Variants in TVP23A observed in about 807,000 individuals in gnomAD.
TVP23A encodes the protein trans-golgi network vesicle protein 23 homolog A, also known as Golgi apparatus membrane protein TVP23 homolog A.
A neutral mutation model predicts 31.7 loss-of-function variants in TVP23A; 21 were observed. That is an observed-to-expected ratio of 0.66 (90% CI 0.47 to 0.95). The LOEUF (loss-of-function observed/expected upper bound fraction) is 0.95. TVP23A is among the 40% of genes least tolerant of loss of function. TVP23A has a pLI of 0.00. For missense variants in TVP23A, 279 were observed against 255.6 expected (o/e 1.09, Z -0.62); for synonymous variants, 104 against 96.0 (o/e 1.08, Z -0.49).
intron 2 of TVP23A, chr16:10,808,481 G>C: frequency 2.2e-6 from 1 of 454,150 alleles, no homozygotes. Flanking sequence ...ACATTCACTA[G>C]GCTGAACAAG....
chr16:10,811,720 T>C (rs906907226), intron 2 of TVP23A, among the ~76,000 whole-genome samples: 11 of 151,814 alleles, frequency 7.2e-5, no homozygotes, highest in East Asian at 1.9e-4. Context: ...CTGGCTAACA[T>C]GGTGAAACCC....
At chr16:10,814,671 CAT>C (rs2034357317) in intron 2 of TVP23A, among the ~76,000 whole-genome samples, 2 of 152,240 alleles carry the variant, frequency 1.3e-5, no homozygotes, top group Non-Finnish European at 2.9e-5. Flanking sequence ...GCCACAGCCA[CAT>C]GTGGCTATTT....
At chr16:10,788,671 T>A (rs931368098) in intron 2 of TVP23A, among the ~76,000 whole-genome samples, 1 of 152,150 alleles carries the variant, frequency 6.6e-6, no homozygotes, top group African/African-American at 2.4e-5. Flanking sequence ...GTACAGTCAC[T>A]TAGATCTGAG....
downstream of TVP23A, among the ~76,000 whole-genome samples, chr16:10,759,250 G>T (rs544034648): frequency 7.9e-5 from 12 of 152,308 alleles, no homozygotes; most frequent in African/African-American, 2.9e-4. The surrounding 1 kb of genome is among the most constrained non-coding windows in gnomAD (Gnocchi z 4.7). Context: ...AGGGATGAGG[G>T]TACAGCCAAT....
intron 6 of TVP23A, among the ~76,000 whole-genome samples, chr16:10,770,812 G>A (rs961719563): frequency 7.3e-6 from 1 of 136,998 alleles, no homozygotes; most frequent in Non-Finnish European, 1.5e-5. Flanking sequence ...GGAGGTTGCA[G>A]TGAGCCAACA....
At chr16:10,813,041 C>G (rs996983832) in intron 2 of TVP23A, among the ~76,000 whole-genome samples, 1 of 152,148 alleles carries the variant, frequency 6.6e-6, no homozygotes, top group Non-Finnish European at 1.5e-5. Flanking sequence ...GATGTACTTC[C>G]CAGGCCCCCC....
chr16:10,781,944 C>T (rs1340332683), intron 2 of TVP23A, among the ~76,000 whole-genome samples: 1 of 148,256 alleles, frequency 6.7e-6, no homozygotes, highest in Non-Finnish European at 1.5e-5. Context: ...TCACTGCAGC[C>T]TCCGCCTCCC....
intron 2 of TVP23A, among the ~76,000 whole-genome samples, chr16:10,786,365 G>A (rs1050009180): frequency 6.6e-6 from 1 of 152,138 alleles, no homozygotes; most frequent in African/African-American, 2.4e-5. Context: ...CTTGAGGCCA[G>A]GAGTTTGAGG....
intron 2 of TVP23A, among the ~76,000 whole-genome samples, chr16:10,813,086 G>A (rs987780648): frequency 1.3e-5 from 2 of 152,084 alleles, no homozygotes; most frequent in Non-Finnish European, 2.9e-5. Context: ...CTGGAACCAG[G>A]GACAGAAAGA....
downstream of TVP23A, among the ~76,000 whole-genome samples, chr16:10,763,016 G>A (rs1260261818): frequency 3.3e-5 from 5 of 152,142 alleles, no homozygotes; most frequent in Non-Finnish European, 7.4e-5. Flanking sequence ...TGGCGTTGGT[G>A]TAGAAAGGAA....
chr16:10,761,881 C>T (rs753457785), downstream of TVP23A: 46 of 1,580,050 alleles, frequency 2.9e-5, no homozygotes, highest in Middle Eastern at 1.7e-4. Flanking sequence ...CAGTGTGGGG[C>T]GGCACCTCAC....
chr16:10,773,915 C>T, intron 4 of TVP23A, 124 bp downstream of exon 4: 1 of 765,240 alleles, frequency 1.3e-6, no homozygotes, highest in South Asian at 1.8e-5. Context: ...ACCAGAGCAC[C>T]TTGGCAATGG....
downstream of TVP23A, among the ~76,000 whole-genome samples, chr16:10,762,516 C>T (rs1295188322): frequency 6.6e-6 from 1 of 152,248 alleles, no homozygotes; most frequent in Non-Finnish European, 1.5e-5. Context: ...CTCGAAGCTG[C>T]TCCCCCAGGA....
intron 2 of TVP23A, among the ~76,000 whole-genome samples, chr16:10,816,613 C>T (rs2034449735): frequency 6.6e-6 from 1 of 152,100 alleles, no homozygotes; most frequent in Non-Finnish European, 1.5e-5. Flanking sequence ...AGATTACTTA[C>T]AGGTGTGAGC....
At position 10,816,221 on chromosome 16, in the gene TVP23A, C is replaced by T. The variant is rs957300878; in HGVS notation, c.89+1882G>A. Among the ~76,000 whole-genome samples the T allele has an allele frequency of 5.2e-4, 68 of 130,938 alleles. 1 individual carries two copies. The highest frequency in any genetic ancestry group is 2.4e-3 in the African/African-American group (64 of 26,366). The allele number at this position is 130,938 out of a possible 152,430, so 85.9% of individuals were successfully genotyped here. On this transcript the variant is annotated intron_variant, in intron 2 of 7. Coordinates refer to ENST00000299866, the MANE Select transcript of TVP23A (RefSeq NM_001079512.4). ...TATAGCCTTGGCAACAGAGCAAAAC[C>T]CTATCTCAAAAAAAAAAAAAAAAAA...
At position 10,803,268 on chromosome 16, in the gene TVP23A, T is replaced by TGTGTGTGTGTGTGTGTGTGCGTGTGC. The variant is rs1555485950; in HGVS notation, c.89+14834_89+14835insGCACACGCACACACACACACACACAC. 1.1e-4 allele frequency among the ~76,000 whole-genome samples: 16 copies of TGTGTGTGTGTGTGTGTGTGCGTGTGC among 151,418 alleles called. No homozygotes were observed. The East Asian group carries it at 1.8e-3, about 17-fold the overall frequency. ...CACTGTGTGTGTGTGTGTGTGTGTG[T>TGTGTGTGTGTGTGTGTGTGCGTGTGC]GTGTGTGTGTGTGTGTGTCAGAGTC... On this transcript the variant is annotated intron_variant, in intron 2 of 7. Transcript: ENST00000299866.
intron 2 of TVP23A, 193 bp from the exon 3 acceptor site, chr16:10,775,289 T>C (rs1040605171): frequency 1.4e-6 from 2 of 1,410,880 alleles, no homozygotes; most frequent in African/African-American, 2.9e-5. Context: ...CAGACAGTCA[T>C]GCTGACACTG....
chr16:10,793,037 C>T (rs994316982), intron 2 of TVP23A, among the ~76,000 whole-genome samples: 2 of 152,152 alleles, frequency 1.3e-5, no homozygotes, highest in African/African-American at 2.4e-5. Flanking sequence ...GCCTGTAATC[C>T]CAGCACTCTG....
At chr16:10,762,472 C>T (rs2030081887), downstream of TVP23A, among the ~76,000 whole-genome samples, 1 of 152,202 alleles carries the variant, frequency 6.6e-6, no homozygotes, top group African/African-American at 2.4e-5. Context: ...CCGCCGGGCG[C>T]CCACTCGCCG....
Sources: allele counts gnomAD v4.1 joint callset (sites outside exome capture counted in the v4.1 genomes callset), GRCh38; gene constraint gnomAD v4.1.1; non-coding constraint Gnocchi (gnomAD v3.1); transcripts MANE v1.5; gene names NCBI Gene and HGNC (gene_info 2026-07-23, HGNC 2026-07-21).